The following SPMIP2 variants were observed in gnomAD, a reference collection of about 807,000 sequenced individuals.
The protein encoded by SPMIP2 is sperm microtubule inner protein 2, also known as protein SPMIP2.
the SPMIP2 span, among the ~76,000 whole-genome samples, chr4:158,929,751 C>G: frequency 1.3e-5 from 2 of 152,106 alleles, no homozygotes; most frequent in African/African-American, 4.8e-5. Flanking sequence ...ATATGCCTAT[C>G]AATATAATTC....
the SPMIP2 span, among the ~76,000 whole-genome samples, chr4:158,996,967 A>T: frequency 6.6e-6 from 1 of 152,178 alleles, no homozygotes. Context: ...GTAGACACCC[A>T]AATAAAATGG....
chr4:159,048,158 G>C, the SPMIP2 span, among the ~76,000 whole-genome samples: 1 of 152,134 alleles, frequency 6.6e-6, no homozygotes. Flanking sequence ...CTCCTCCAAA[G>C]CATGGTATTT....
At chr4:158,926,471 C>A in the SPMIP2 span, among the ~76,000 whole-genome samples, 468 of 152,138 alleles carry the variant, frequency 3.1e-3, 2 homozygotes, top group Non-Finnish European at 5.6e-3. Flanking sequence ...TTAATATTTA[C>A]AAATTTTTAA....
At chr4:159,001,305 C>A in the SPMIP2 span, among the ~76,000 whole-genome samples, 2 of 152,136 alleles carry the variant, frequency 1.3e-5, no homozygotes, top group African/African-American at 2.4e-5. Flanking sequence ...GTGTTCAAAT[C>A]TTTTGCCCAT....
chr4:158,903,347 C>A, the SPMIP2 span, among the ~76,000 whole-genome samples: 1 of 152,170 alleles, frequency 6.6e-6, no homozygotes, highest in African/African-American at 2.4e-5. Context: ...CCGGGTACAT[C>A]AGTTGGAAAT....
chr4:158,981,635 C>G, the SPMIP2 span, among the ~76,000 whole-genome samples: 1 of 152,040 alleles, frequency 6.6e-6, no homozygotes, highest in South Asian at 2.1e-4. Flanking sequence ...GAAATAAAAT[C>G]CTTTGCAGAC....
At chr4:158,913,844 C>CT in the SPMIP2 span, among the ~76,000 whole-genome samples, 20 of 144,698 alleles carry the variant, frequency 1.4e-4, no homozygotes, top group Middle Eastern at 7.0e-3. Context: ...ACCCCCATAT[C>CT]TTAAAAAAAA....
At chr4:158,918,487 CTATT>C in the SPMIP2 span, among the ~76,000 whole-genome samples, 1 of 152,216 alleles carries the variant, frequency 6.6e-6, no homozygotes, top group African/African-American at 2.4e-5. Context: ...CAAGGGAAAA[CTATT>C]TCATGCAAAT....
chr4:158,944,804 T>A, the SPMIP2 span, among the ~76,000 whole-genome samples: 2 of 152,212 alleles, frequency 1.3e-5, no homozygotes, highest in African/African-American at 4.8e-5. Context: ...TTAATAATTC[T>A]GGAATCTGTT....
the SPMIP2 span, among the ~76,000 whole-genome samples, chr4:158,983,069 A>G: frequency 6.6e-6 from 1 of 152,224 alleles, no homozygotes; most frequent in African/African-American, 2.4e-5. Flanking sequence ...CAGTGATGGA[A>G]GATGAAATGA....
the SPMIP2 span, among the ~76,000 whole-genome samples, chr4:158,967,803 T>C: frequency 6.6e-6 from 1 of 152,182 alleles, no homozygotes; most frequent in Non-Finnish European, 1.5e-5. Context: ...CCCAGATGAA[T>C]CTGAAAACAC....
chr4:158,982,317 G>A, the SPMIP2 span, among the ~76,000 whole-genome samples: 7 of 152,126 alleles, frequency 4.6e-5, no homozygotes, highest in East Asian at 1.3e-3. Flanking sequence ...CAGATCAACA[G>A]GACAGAAAAT....
the SPMIP2 span, among the ~76,000 whole-genome samples, chr4:158,963,428 A>G: frequency 6.6e-6 from 1 of 152,234 alleles, no homozygotes; most frequent in African/African-American, 2.4e-5. Context: ...CAGCCTTCTC[A>G]GTAGCTGGGA....
chr4:158,915,089 C>T, the SPMIP2 span: 1 of 1,237,996 alleles, frequency 8.1e-7, no homozygotes. Flanking sequence ...ATTAGTATTA[C>T]TATGAGAAAC....
chr4:158,894,656 A>G, the SPMIP2 span, among the ~76,000 whole-genome samples: 1 of 152,112 alleles, frequency 6.6e-6, no homozygotes. Context: ...CTTACTAAAA[A>G]TTTTCTATTT....
the SPMIP2 span, chr4:158,973,324 A>G: frequency 3.9e-6 from 6 of 1,532,058 alleles, no homozygotes; most frequent in Non-Finnish European, 5.4e-6. Flanking sequence ...TTAAAAGACA[A>G]AATGTACTTA....
chr4:158,929,325 T>G, the SPMIP2 span, among the ~76,000 whole-genome samples: 19 of 152,268 alleles, frequency 1.2e-4, no homozygotes, highest in African/African-American at 3.9e-4. Flanking sequence ...GCACAATCTC[T>G]GGCATTTGAT....
At chr4:158,893,388 A>G in the SPMIP2 span, 1 of 270,260 alleles carries the variant, frequency 3.7e-6, no homozygotes, top group Admixed American at 4.9e-5. Context: ...TCCTATGGTT[A>G]TGAAATTATA....
chr4:159,026,233 G>A, the SPMIP2 span: 2 of 499,040 alleles, frequency 4.0e-6, no homozygotes, highest in Admixed American at 5.3e-5. Flanking sequence ...GGGCACAATG[G>A]CCAAGCCAGA....
Sources: allele counts gnomAD v4.1 joint callset (sites outside exome capture counted in the v4.1 genomes callset), GRCh38; gene constraint gnomAD v4.1.1; transcripts MANE v1.5; gene names NCBI Gene and HGNC (gene_info 2026-07-23, HGNC 2026-07-21).